PCDH9: variants seen among roughly 807,000 people sequenced by gnomAD.
The protein encoded by PCDH9 is protocadherin 9.
PCDH9 carries 24 observed loss-of-function variants against 70.6 expected under a neutral mutation model. The ratio of observed to expected loss-of-function variants is 0.34; its 90% confidence interval spans 0.25 to 0.48. The LOEUF (loss-of-function observed/expected upper bound fraction) is 0.48. Among genes scored for constraint, PCDH9 ranks in the 20% least tolerant of loss-of-function variants. The pLI, the probability that PCDH9 is intolerant of heterozygous loss-of-function variation, is 0.99. For synonymous variants in PCDH9, 562 were observed against 558.5 expected (o/e 1.01, Z -0.09); for missense variants, 1,281 against 1,503.6 (o/e 0.85, Z 2.45).
At chr13:67,187,113 C>T (rs1255529518) in intron 2 of PCDH9, among the ~76,000 whole-genome samples, 1 of 152,146 alleles carries the variant, frequency 6.6e-6, no homozygotes, top group Non-Finnish European at 1.5e-5. Context: ...ACCTATCCCC[C>T]ACAGGCATCA....
intron 3 of PCDH9, among the ~76,000 whole-genome samples, chr13:66,850,209 G>T (rs1013314011): frequency 2.0e-5 from 3 of 152,142 alleles, no homozygotes; most frequent in Admixed American, 1.3e-4. Context: ...TGATGGTAAG[G>T]TACAACTATC....
intron 4 of PCDH9, among the ~76,000 whole-genome samples, chr13:66,390,748 A>AT (rs397966193): frequency 1.3e-5 from 2 of 151,406 alleles, no homozygotes; most frequent in Non-Finnish European, 2.9e-5. Flanking sequence ...AAAAAAAAAA[A>AT]TCTGGGCAAA....
At chr13:66,479,913 G>A (rs35560901) in intron 4 of PCDH9, among the ~76,000 whole-genome samples, 50,281 of 151,900 alleles carry the variant, frequency 0.33, 8,427 homozygotes, top group African/African-American at 0.37. Context: ...CACCCCAGCC[G>A]GCAGTGGCAA....
At chr13:66,960,879 G>C (rs1398252606) in intron 2 of PCDH9, among the ~76,000 whole-genome samples, 1 of 151,958 alleles carries the variant, frequency 6.6e-6, no homozygotes, top group Non-Finnish European at 1.5e-5. Context: ...CTTGAGTTTT[G>C]TTTCTATTGA....
intron 4 of PCDH9, among the ~76,000 whole-genome samples, chr13:66,370,913 G>T (rs1047578714): frequency 2.0e-5 from 3 of 152,118 alleles, no homozygotes; most frequent in South Asian, 4.2e-4. Context: ...TTGAATTTAA[G>T]AATTAAAGTC....
chr13:66,494,164 A>C (rs1017261674), intron 4 of PCDH9, among the ~76,000 whole-genome samples: 4 of 152,310 alleles, frequency 2.6e-5, no homozygotes, highest in African/African-American at 7.2e-5. Context: ...GGTTGGCTAA[A>C]GAATAAGGTC....
intron 4 of PCDH9, among the ~76,000 whole-genome samples, chr13:66,531,185 T>TTCTAATAGAA (rs1237872598): frequency 6.6e-6 from 1 of 152,030 alleles, no homozygotes; most frequent in East Asian, 1.9e-4. Context: ...TTGGTTCTAT[T>TTCTAATAGAA]AGACTCAGGT....
At chr13:66,828,810 A>AAAAAAAAAAAAAAAAAAAAT (rs71207607) in intron 3 of PCDH9, among the ~76,000 whole-genome samples, 12 of 148,608 alleles carry the variant, frequency 8.1e-5, no homozygotes, top group African/African-American at 3.0e-4. Flanking sequence ...GCCATACATA[A>AAAAAAAAAAAAAAAAAAAAT]AATAATAATA....
intron 2 of PCDH9, among the ~76,000 whole-genome samples, chr13:66,967,658 A>T (rs552451402): frequency 6.6e-6 from 1 of 152,058 alleles, no homozygotes; most frequent in East Asian, 1.9e-4. Flanking sequence ...TACAAAAAAA[A>T]ATTTTTTCTT....
At chr13:67,078,541 C>T (rs1480865017) in intron 2 of PCDH9, among the ~76,000 whole-genome samples, 1 of 152,148 alleles carries the variant, frequency 6.6e-6, no homozygotes, top group Non-Finnish European at 1.5e-5. Context: ...ACAATACCCT[C>T]CTTCTCTTTC....
intron 3 of PCDH9, among the ~76,000 whole-genome samples, chr13:66,808,035 C>T (rs935289965): frequency 1.3e-5 from 2 of 152,174 alleles, no homozygotes; most frequent in African/African-American, 4.8e-5. Flanking sequence ...GACAGGTCAT[C>T]TGTGCTTAGG....
chr13:66,470,178 C>A (rs1431943280), intron 4 of PCDH9, among the ~76,000 whole-genome samples: 1 of 152,076 alleles, frequency 6.6e-6, no homozygotes, highest in Non-Finnish European at 1.5e-5. Flanking sequence ...TACGACATGA[C>A]CTTCCTTGCT....
intron 3 of PCDH9, among the ~76,000 whole-genome samples, chr13:66,817,546 A>C (rs9571676): frequency 0.32 from 49,243 of 151,978 alleles, 8,615 homozygotes; most frequent in East Asian, 0.45. Context: ...GTAATATTTA[A>C]TACTTAGACT....
chr13:67,161,652 G>A (rs917072998), intron 2 of PCDH9, among the ~76,000 whole-genome samples: 3 of 152,144 alleles, frequency 2.0e-5, no homozygotes, highest in Non-Finnish European at 4.4e-5. Context: ...GTTGACCGTA[G>A]AATGTACCAC....
At chr13:67,209,861 T>G (rs2089434164) in intron 2 of PCDH9, 1 of 152,096 alleles carries the variant, frequency 6.6e-6, no homozygotes, top group South Asian at 2.1e-4. Flanking sequence ...AAGCTGATTT[T>G]CCTCCAGCAT....
At chr13:66,751,784 T>C (rs2079463227) in intron 3 of PCDH9, among the ~76,000 whole-genome samples, 1 of 152,180 alleles carries the variant, frequency 6.6e-6, no homozygotes, top group South Asian at 2.1e-4. Flanking sequence ...AGAATGTAAA[T>C]AGTTACGGTG....
At chr13:66,478,969 C>T (rs1473763624) in intron 4 of PCDH9, among the ~76,000 whole-genome samples, 1 of 152,148 alleles carries the variant, frequency 6.6e-6, no homozygotes, top group Non-Finnish European at 1.5e-5. Context: ...GAAGTCAATG[C>T]CTGGGTTCAA....
chr13:67,178,516 T>G (rs1173191666), intron 2 of PCDH9, among the ~76,000 whole-genome samples: 2 of 152,104 alleles, frequency 1.3e-5, no homozygotes, highest in African/African-American at 4.8e-5. Context: ...TAGAAAAATG[T>G]CTACATTTTC....
At chr13:66,662,135 A>G (rs1325249112) in intron 3 of PCDH9, among the ~76,000 whole-genome samples, 1 of 152,092 alleles carries the variant, frequency 6.6e-6, no homozygotes, top group Non-Finnish European at 1.5e-5. Flanking sequence ...GTAGCTAGCA[A>G]CATCAAAACA....
Sources: allele counts gnomAD v4.1 joint callset (sites outside exome capture counted in the v4.1 genomes callset), GRCh38; gene constraint gnomAD v4.1.1; transcripts MANE v1.5; gene names NCBI Gene and HGNC (gene_info 2026-07-23, HGNC 2026-07-21).